ITGA8: variants seen among roughly 807,000 people sequenced by gnomAD.
ITGA8 encodes integrin alpha-8.
Under a neutral mutation model 142.3 loss-of-function variants are expected in ITGA8, and 91 were observed. That is an observed-to-expected ratio of 0.64 (90% CI 0.54 to 0.76). The LOEUF (loss-of-function observed/expected upper bound fraction) is 0.76. ITGA8 is among the 30% of genes least tolerant of loss of function. ITGA8 has a pLI of 0.00. For synonymous variants in ITGA8, 505 were observed against 485.2 expected, an observed-to-expected ratio of 1.04 and a Z score of -0.54; for missense variants, 1,406 against 1,327.7, an observed-to-expected ratio of 1.06 and a Z score of -0.92.
At chr10:15,531,266 C>T in intron 27 of ITGA8, 115 bp from the exon 28 acceptor site, 1 of 515,098 alleles carries the variant, frequency 1.9e-6, no homozygotes, top group Non-Finnish European at 3.3e-6. Context: ...TTCCTCCTTC[C>T]TTTTTAATTT....
chr10:15,567,256 A>G (rs1315111433), intron 25 of ITGA8, among the ~76,000 whole-genome samples: 4 of 152,128 alleles, frequency 2.6e-5, no homozygotes, highest in African/African-American at 9.7e-5. Context: ...CATCTTATCT[A>G]AAGATAACAG....
intron 15 of ITGA8, 160 bp downstream of exon 15, chr10:15,613,500 G>T (rs1046533186): frequency 4.6e-6 from 3 of 650,570 alleles, no homozygotes; most frequent in Non-Finnish European, 8.3e-6. Context: ...CTCAAACTTC[G>T]GCCACAGACC....
intron 4 of ITGA8, 138 bp from the exon 5 acceptor site, chr10:15,678,921 T>G: frequency 9.7e-6 from 5 of 513,792 alleles, no homozygotes; most frequent in Non-Finnish European, 1.7e-5. Flanking sequence ...ATGTTTATTT[T>G]TAAAATGTTG....
chr10:15,637,250 C>A (rs1315199018), intron 13 of ITGA8, among the ~76,000 whole-genome samples: 1 of 152,162 alleles, frequency 6.6e-6, no homozygotes, highest in Admixed American at 6.6e-5. Flanking sequence ...AGCTCATATT[C>A]TGTTCATGAT....
intron 26 of ITGA8, among the ~76,000 whole-genome samples, chr10:15,553,909 CT>C (rs1448702801): frequency 6.6e-6 from 1 of 152,028 alleles, no homozygotes; most frequent in Non-Finnish European, 1.5e-5. Context: ...AGGAGAATCA[CT>C]TGAACCCAGG....
In ITGA8 at chr10:15,658,596, G is replaced by T. The variant is rs9333130; in HGVS notation, c.948+403C>A. The stretch of plus-strand genomic sequence containing the variant: ...GGAAGGTTCTGGATAAGATGGTATA[G>T]TTGGCTCTGTCTTGTCATTCACATC... On this transcript the variant is annotated intron_variant, in intron 10 of 29. Transcript: ENST00000378076. 7.6e-3 allele frequency among the ~76,000 whole-genome samples: 1,156 copies of T among 152,262 alleles called. 14 individuals carry two copies. Among genetic ancestry groups the T allele is most frequent in the African/African-American group, 0.026 (1,099 of 41,544 alleles).
chr10:15,561,795 AT>A (rs775224891), intron 25 of ITGA8, among the ~76,000 whole-genome samples: 35 of 152,254 alleles, frequency 2.3e-4, no homozygotes, highest in Admixed American at 1.8e-3. Context: ...GTATTAGTCC[AT>A]TCACACACCC....
chr10:15,607,531 T>A (rs1160008808), intron 17 of ITGA8, 146 bp downstream of exon 17: 13 of 728,892 alleles, frequency 1.8e-5, no homozygotes, highest in Non-Finnish European at 2.8e-5. Context: ...GGAGAGTATT[T>A]GACCCTAAAA....
chr10:15,564,067 A>C (rs1020210894), intron 25 of ITGA8, among the ~76,000 whole-genome samples: 2 of 152,172 alleles, frequency 1.3e-5, no homozygotes, highest in African/African-American at 2.4e-5. Context: ...CTCTCAATAA[A>C]ACACAGGGCT....
intron 25 of ITGA8, among the ~76,000 whole-genome samples, chr10:15,558,429 C>T (rs770157269): frequency 4.6e-5 from 7 of 152,208 alleles, no homozygotes; most frequent in Admixed American, 1.3e-4. Flanking sequence ...ATGGGGAATG[C>T]ATTCCTGGGA....
At chr10:15,524,004 G>T (rs903277883) in intron 28 of ITGA8, among the ~76,000 whole-genome samples, 1 of 152,166 alleles carries the variant, frequency 6.6e-6, no homozygotes, top group Non-Finnish European at 1.5e-5. Flanking sequence ...CATATGATAT[G>T]CATTTCCTCC....
intron 8 of ITGA8, among the ~76,000 whole-genome samples, chr10:15,667,251 A>AG (rs1834413334): frequency 2.0e-5 from 3 of 151,882 alleles, no homozygotes; most frequent in Non-Finnish European, 4.4e-5. Context: ...TCTTGGGATG[A>AG]TGTATGTGTT....
intron 25 of ITGA8, among the ~76,000 whole-genome samples, chr10:15,570,674 T>C (rs1209359072): frequency 1.4e-5 from 2 of 148,028 alleles, no homozygotes; most frequent in South Asian, 2.1e-4. Context: ...GTGCTTAGTA[T>C]ATACTATGGC....
chr10:15,538,032 A>G (rs1223343248), intron 27 of ITGA8, among the ~76,000 whole-genome samples: 1 of 152,100 alleles, frequency 6.6e-6, no homozygotes, highest in African/African-American at 2.4e-5. Flanking sequence ...CCAGACAATC[A>G]GAAGGCTGAG....
intron 21 of ITGA8, among the ~76,000 whole-genome samples, chr10:15,594,444 C>G (rs747176571): frequency 5.9e-5 from 9 of 151,868 alleles, no homozygotes; most frequent in Non-Finnish European, 1.2e-4. Flanking sequence ...TTTATATTGC[C>G]GACTCTAGCT....
intron 2 of ITGA8, among the ~76,000 whole-genome samples, chr10:15,709,465 G>GA (rs975647751): frequency 6.6e-5 from 10 of 152,032 alleles, no homozygotes; most frequent in African/African-American, 2.4e-4. Flanking sequence ...TGTTTTAAAG[G>GA]AAAAAAATAT....
In ITGA8 at chr10:15,519,871, G is replaced by A. The variant is rs184825787; in HGVS notation, c.2983-459C>T. 1.1e-3 allele frequency among the ~76,000 whole-genome samples: 160 copies of A among 152,280 alleles called. 1 individual carries two copies. The highest frequency in any genetic ancestry group is 3.6e-3 in the African/African-American group (149 of 41,552). On this transcript the variant is annotated intron_variant, in intron 28 of 29. Coordinates refer to ENST00000378076, the MANE Select transcript of ITGA8 (RefSeq NM_003638.3). ...ATGAATCCTTGGATGTGCAAGAAGG[G>A]TAGAAATCTCTAATCTAATCCCCTC... is the stretch of plus-strand genomic sequence containing the variant.
chr10:15,682,449 C>G (rs1344474651), intron 4 of ITGA8, among the ~76,000 whole-genome samples: 1 of 152,202 alleles, frequency 6.6e-6, no homozygotes, highest in African/African-American at 2.4e-5. Flanking sequence ...CATGGACTAT[C>G]CATTCAGCTG....
rs374511654 is a variant in ITGA8, at chr10:15,575,396, AATAATG to A, written c.2478+87_2478+92del. On this transcript the variant is annotated intron_variant, in intron 24 of 29. Coordinates refer to ENST00000378076, the MANE Select transcript of ITGA8 (RefSeq NM_003638.3). The stretch of plus-strand genomic sequence containing the variant: ...CACAGCGAGATCCTGTCTCAATAAT[AATAATG>A]ATAATGATAATAATGCTACATAGAA... The A allele has an allele frequency of 9.9e-4, 897 of 910,572 alleles. 6 individuals are homozygous for A. The African/African-American group carries it at 0.013, about 13-fold the overall frequency. The allele number at this position is 910,572 out of a possible 1,614,324, so 56.4% of individuals were successfully genotyped here. A position where few individuals can be genotyped will look rare whatever the true frequency, so the allele number is the denominator to read the frequency against.
Sources: allele counts gnomAD v4.1 joint callset (sites outside exome capture counted in the v4.1 genomes callset), GRCh38; gene constraint gnomAD v4.1.1; transcripts MANE v1.5; gene names NCBI Gene and HGNC (gene_info 2026-07-23, HGNC 2026-07-21).